ATP6V0A1: variants seen among roughly 807,000 people sequenced by gnomAD.
ATP6V0A1 encodes ATPase H+ transporting V0 subunit a1.
In ATP6V0A1, 43 loss-of-function variants were observed where a neutral mutation model predicts 105.4. The ratio of observed to expected loss-of-function variants is 0.41; its 90% CI spans 0.32 to 0.53. The LOEUF (loss-of-function observed/expected upper bound fraction) is 0.53, where lower values mean the gene tolerates loss of function less well. Among genes scored for constraint, ATP6V0A1 ranks in the 20% least tolerant of loss-of-function variants. The pLI is 0.30. For missense variants in ATP6V0A1, 676 were observed against 1,051.1 expected, an observed-to-expected ratio of 0.64 and a Z score of 4.93; for synonymous variants, 362 against 372.8, an observed-to-expected ratio of 0.97 and a Z score of 0.33.
chr17:42,510,462 G>C (rs1037630998), intron 19 of ATP6V0A1: 3 of 152,326 alleles, frequency 2.0e-5, no homozygotes, highest in African/African-American at 7.2e-5. Context: ...ACTCCCTAAG[G>C]AAGTTGTCTT....
At position 42,513,979 on chromosome 17, in the gene ATP6V0A1, G is replaced by A; in HGVS notation, c.2248+1G>A. 1 of 1,612,704 alleles carries A rather than the reference G, an allele frequency of 6.2e-7. No homozygotes were observed. The highest frequency in any genetic ancestry group is 8.5e-7 in the Non-Finnish European group (1 of 1,178,726). ...TGGGCCCTCAGCCTCGCTCATGCGCGTGAGTACCTCTCTCCGGGCTCCGGA... is the reference window on the plus strand; with the variant it reads ...TGGGCCCTCAGCCTCGCTCATGCGCATGAGTACCTCTCTCCGGGCTCCGGA... On this transcript the variant is annotated splice_donor_variant, in intron 20 of 21. Coordinates refer to ENST00000343619, the MANE Select transcript of ATP6V0A1 (RefSeq NM_001130021.3). LOFTEE classifies it high-confidence loss of function.
intron 17 of ATP6V0A1, chr17:42,507,310 G>A (rs974747655): frequency 1.4e-5 from 7 of 505,844 alleles, no homozygotes; most frequent in African/African-American, 7.8e-5. Flanking sequence ...AGGGTAAGGT[G>A]GTAATTGTAG....
intron 19 of ATP6V0A1, chr17:42,510,643 G>T (rs1452316217): frequency 2.0e-5 from 3 of 152,280 alleles, no homozygotes; most frequent in Non-Finnish European, 4.4e-5. Flanking sequence ...GAGACTAGAG[G>T]TTGGCAGAAA....
chr17:42,515,224 T>TGG (rs1333879688), intron 21 of ATP6V0A1, among the ~76,000 whole-genome samples: 34 of 151,974 alleles, frequency 2.2e-4, no homozygotes, highest in Admixed American at 2.2e-3. Flanking sequence ...CCTAGCACTT[T>TGG]GGGAGGCTAA....
At chr17:42,493,692 T>C (rs1273038803) in intron 11 of ATP6V0A1, among the ~76,000 whole-genome samples, 1 of 152,168 alleles carries the variant, frequency 6.6e-6, no homozygotes, top group Non-Finnish European at 1.5e-5. Context: ...CACATACTTG[T>C]AGTTCCAACT....
intron 19 of ATP6V0A1, 51 bp from the exon 20 acceptor site, chr17:42,513,810 C>A: frequency 6.5e-7 from 1 of 1,540,442 alleles, no homozygotes; most frequent in Non-Finnish European, 9.0e-7. Flanking sequence ...AGAATGCCTG[C>A]ACGTTCCCCT....
At chr17:42,475,890 T>A (rs1283836071) in intron 5 of ATP6V0A1, among the ~76,000 whole-genome samples, 1 of 152,206 alleles carries the variant, frequency 6.6e-6, no homozygotes, top group Non-Finnish European at 1.5e-5. Flanking sequence ...TTTGAAGTGG[T>A]CTAGTTGCTA....
intron 7 of ATP6V0A1, among the ~76,000 whole-genome samples, chr17:42,479,400 A>G (rs1041536015): frequency 2.0e-5 from 3 of 152,250 alleles, no homozygotes; most frequent in African/African-American, 7.2e-5. Flanking sequence ...GGAAGTAGAA[A>G]CAGTTTAACA....
At chr17:42,505,375 T>G (rs918905914) in intron 17 of ATP6V0A1, among the ~76,000 whole-genome samples, 1 of 152,050 alleles carries the variant, frequency 6.6e-6, no homozygotes, top group African/African-American at 2.4e-5. Flanking sequence ...CCGGCTAATT[T>G]TTGTATTTTT....
chr17:42,505,819 G>A (rs992863836), intron 17 of ATP6V0A1, among the ~76,000 whole-genome samples: 4 of 146,220 alleles, frequency 2.7e-5, no homozygotes, highest in Non-Finnish European at 3.0e-5. Context: ...ACAGAGTCTC[G>A]CTGTGTTGCC....
chr17:42,496,704 G>T (rs1056715423), intron 14 of ATP6V0A1, among the ~76,000 whole-genome samples: 1 of 152,092 alleles, frequency 6.6e-6, no homozygotes, highest in Non-Finnish European at 1.5e-5. Context: ...AGCTGGGCAC[G>T]GTGGCATATG....
chr17:42,506,621 T>A (rs2092040902), intron 17 of ATP6V0A1, among the ~76,000 whole-genome samples: 1 of 152,236 alleles, frequency 6.6e-6, no homozygotes, highest in Non-Finnish European at 1.5e-5. Context: ...TTCTGGGGGC[T>A]GCTGTTTAAA....
At chr17:42,464,951 C>T (rs967878186) in intron 2 of ATP6V0A1, among the ~76,000 whole-genome samples, 1 of 151,888 alleles carries the variant, frequency 6.6e-6, no homozygotes, top group Admixed American at 6.6e-5. Flanking sequence ...GGTTCATCTT[C>T]TTCTCTATTA....
chr17:42,473,725 T>C (rs552758191), intron 5 of ATP6V0A1, among the ~76,000 whole-genome samples: 65 of 152,350 alleles, frequency 4.3e-4, no homozygotes, highest in African/African-American at 1.5e-3. Context: ...CTTCCTATTA[T>C]GGTTCATTTT....
At chr17:42,514,121 C>A (rs758887657) in intron 20 of ATP6V0A1, 143 bp downstream of exon 20, 17 of 1,241,206 alleles carry the variant, frequency 1.4e-5, no homozygotes, top group Non-Finnish European at 1.8e-5. Flanking sequence ...TGAGTACAGA[C>A]AGGAGGCTCA....
At chr17:42,465,142 A>G (rs1418603311) in intron 2 of ATP6V0A1, among the ~76,000 whole-genome samples, 1 of 151,774 alleles carries the variant, frequency 6.6e-6, no homozygotes, top group East Asian at 1.9e-4. Context: ...ACAGGCATGT[A>G]CCATCATGCC....
At chr17:42,459,555 A>G (rs1207044095) in intron 1 of ATP6V0A1, among the ~76,000 whole-genome samples, 2 of 152,248 alleles carry the variant, frequency 1.3e-5, no homozygotes, top group Non-Finnish European at 2.9e-5. Flanking sequence ...TATAATCATT[A>G]AAGAGCAGGA....
chr17:42,475,552 A>G (rs1334497942), intron 5 of ATP6V0A1, among the ~76,000 whole-genome samples: 1 of 151,996 alleles, frequency 6.6e-6, no homozygotes, highest in East Asian at 1.9e-4. Context: ...ATTAGTTATC[A>G]TTATAGTGTA....
intron 21 of ATP6V0A1, chr17:42,520,196 C>A: frequency 2.9e-6 from 1 of 345,572 alleles, no homozygotes; most frequent in Non-Finnish European, 5.7e-6. Flanking sequence ...TTCCTCAGGG[C>A]AGCTCTCCTT....
Sources: gnomAD v4.1 joint callset for allele counts (sites outside exome capture counted in the v4.1 genomes callset) on GRCh38, gnomAD v4.1.1 for gene constraint, MANE v1.5 for transcripts, NCBI Gene and HGNC (gene_info 2026-07-23, HGNC 2026-07-21) for gene names.